CPQ: variants seen among roughly 807,000 people sequenced by gnomAD.
CPQ encodes the protein Ser-Met dipeptidase.
Under a neutral mutation model 45.7 loss-of-function variants are expected in CPQ, and 37 were observed. That is an observed-to-expected ratio of 0.81 (90% CI 0.62 to 1.07). The LOEUF is 1.07. Ranked by LOEUF, CPQ falls within the 50% of genes least tolerant of loss-of-function variation. CPQ has a pLI of 0.00. For synonymous variants in CPQ, 186 were observed against 205.8 expected (o/e 0.90, Z 0.82); for missense variants, 537 against 572.9 (o/e 0.94, Z 0.64).
At chr8:96,856,502 C>T (rs1811853088) in intron 3 of CPQ, among the ~76,000 whole-genome samples, 1 of 152,186 alleles carries the variant, frequency 6.6e-6, no homozygotes, top group Non-Finnish European at 1.5e-5. Flanking sequence ...GTTGATCTCC[C>T]TCATCAGGCT....
intron 4 of CPQ, among the ~76,000 whole-genome samples, chr8:96,961,183 A>G (rs751641055): frequency 1.2e-4 from 19 of 152,198 alleles, no homozygotes; most frequent in Non-Finnish European, 2.2e-4. Flanking sequence ...AAGAATTCCT[A>G]TTGCTCAGCC....
chr8:96,998,403 C>T (rs904645416), intron 5 of CPQ, among the ~76,000 whole-genome samples: 1 of 151,546 alleles, frequency 6.6e-6, no homozygotes, highest in Non-Finnish European at 1.5e-5. Flanking sequence ...AATTGGATCA[C>T]GGAAATTAGA....
At chr8:96,826,644 G>C (rs1284572227) in intron 2 of CPQ, among the ~76,000 whole-genome samples, 2 of 151,772 alleles carry the variant, frequency 1.3e-5, no homozygotes, top group African/African-American at 4.8e-5. Flanking sequence ...TTAAGTTCTG[G>C]GGTACATATG....
rs60795722 is a variant in CPQ at position 96,839,093 on chromosome 8, TTATA to T, written c.641+3929_641+3932del. 9.6e-4 allele frequency among the ~76,000 whole-genome samples: 142 copies of T among 148,152 alleles called. No homozygotes were observed. The South Asian group carries it at 0.012, about 13-fold the overall frequency. On this transcript the variant is annotated intron_variant, in intron 3 of 7. Coordinates refer to ENST00000220763, the MANE Select transcript of CPQ (RefSeq NM_016134.4). ...GTCAGCAACACTAGAGAACATTATA[TTATA>T]TATATATATATATATTATGATTTGT...
intron 7 of CPQ, among the ~76,000 whole-genome samples, chr8:97,105,339 T>A (rs1811386713): frequency 6.6e-6 from 1 of 152,240 alleles, no homozygotes; most frequent in African/African-American, 2.4e-5. Flanking sequence ...GACTGGCTTA[T>A]TTCACTTAGC....
intron 1 of CPQ, among the ~76,000 whole-genome samples, chr8:96,683,613 TTCTATGTTGTTA>T (rs1809181362): frequency 6.6e-6 from 1 of 152,138 alleles, no homozygotes; most frequent in South Asian, 2.1e-4. Flanking sequence ...TAAACAGGTT[TTCTATGTTGTTA>T]TCTATCTCTT....
At chr8:96,783,328 T>A (rs1286806749) in intron 1 of CPQ, among the ~76,000 whole-genome samples, 1 of 151,896 alleles carries the variant, frequency 6.6e-6, no homozygotes, top group African/African-American at 2.4e-5. Flanking sequence ...TTATAAAGAA[T>A]GAAAATTTAT....
intron 1 of CPQ, among the ~76,000 whole-genome samples, chr8:96,762,597 A>G (rs1299268113): frequency 1.3e-5 from 2 of 152,176 alleles, no homozygotes; most frequent in African/African-American, 2.4e-5. Context: ...TGGAGGGACT[A>G]AGGAAATAGT....
At chr8:96,940,851 T>G (rs1813116036) in intron 4 of CPQ, among the ~76,000 whole-genome samples, 1 of 152,196 alleles carries the variant, frequency 6.6e-6, no homozygotes, top group Non-Finnish European at 1.5e-5. Flanking sequence ...GATCTCTTTA[T>G]CGATGCCTTC....
At chr8:96,751,853 T>C (rs899963099) in intron 1 of CPQ, among the ~76,000 whole-genome samples, 2 of 152,234 alleles carry the variant, frequency 1.3e-5, no homozygotes, top group Non-Finnish European at 1.5e-5. Context: ...ATTTTCTGCA[T>C]ATGGCTAGCC....
At chr8:96,796,766 C>A (rs1223620500) in intron 2 of CPQ, among the ~76,000 whole-genome samples, 2 of 152,150 alleles carry the variant, frequency 1.3e-5, no homozygotes, top group Admixed American at 6.5e-5. Context: ...ATTGGTACTT[C>A]TGCTGGTTTA....
At chr8:96,741,198 C>G (rs1339619367) in intron 1 of CPQ, among the ~76,000 whole-genome samples, 1 of 152,144 alleles carries the variant, frequency 6.6e-6, no homozygotes, top group Non-Finnish European at 1.5e-5. Context: ...CTGGTTTAGT[C>G]TTGGGAAGGT....
chr8:96,757,136 T>G (rs1211839148), intron 1 of CPQ, among the ~76,000 whole-genome samples: 2 of 151,990 alleles, frequency 1.3e-5, no homozygotes, highest in African/African-American at 4.8e-5. Flanking sequence ...TCACTTGAGA[T>G]CAGGAGTTTG....
At chr8:97,098,593 G>A (rs1459890791) in intron 7 of CPQ, among the ~76,000 whole-genome samples, 2 of 152,114 alleles carry the variant, frequency 1.3e-5, no homozygotes, top group Non-Finnish European at 2.9e-5. Flanking sequence ...TTATTATTAA[G>A]GTCCTCTTTA....
At chr8:97,078,196 T>A (rs1810883094) in intron 7 of CPQ, among the ~76,000 whole-genome samples, 1 of 152,202 alleles carries the variant, frequency 6.6e-6, no homozygotes, top group Non-Finnish European at 1.5e-5. Context: ...ATGACCCTCA[T>A]AGTTGTTGAT....
chr8:96,979,006 T>C (rs550176076), intron 5 of CPQ, among the ~76,000 whole-genome samples: 1 of 150,966 alleles, frequency 6.6e-6, no homozygotes, highest in East Asian at 2.0e-4. Flanking sequence ...TGGCTTCACA[T>C]GGATAGAGGC....
At chr8:97,035,471 T>C (rs1809985316) in intron 6 of CPQ, among the ~76,000 whole-genome samples, 1 of 152,212 alleles carries the variant, frequency 6.6e-6, no homozygotes, top group Admixed American at 6.5e-5. Flanking sequence ...CCATTTTACA[T>C]TTCCACCAAC....
chr8:96,803,842 G>A (rs576194909), intron 2 of CPQ, among the ~76,000 whole-genome samples: 2 of 152,326 alleles, frequency 1.3e-5, no homozygotes, highest in African/African-American at 4.8e-5. Flanking sequence ...GGCAAGGGCT[G>A]CCTGTAATCT....
At position 97,134,462 on chromosome 8, in the gene CPQ, C is replaced by T. The variant is rs181253893; in HGVS notation, c.1256-8558C>T. Among the ~76,000 whole-genome samples the T allele has an allele frequency of 1.9e-3, 296 of 152,322 alleles. 7 individuals are homozygous for T. The highest frequency in any genetic ancestry group is 0.017 in the Admixed American group (263 of 15,304). ...ACTGGCAGGCCTGCAGAGTGTGGCC[C>T]GGCCACAGCGATGGGCTTGGTGTCA... On this transcript the variant is annotated intron_variant, in intron 7 of 7. Transcript: ENST00000220763.
Sources: gnomAD v4.1 joint callset for allele counts (sites outside exome capture counted in the v4.1 genomes callset) on GRCh38, gnomAD v4.1.1 for gene constraint, MANE v1.5 for transcripts, NCBI Gene and HGNC (gene_info 2026-07-23, HGNC 2026-07-21) for gene names.